The following TXNRD2 variants were observed in gnomAD, a reference collection of about 807,000 sequenced individuals.
The protein encoded by TXNRD2 is thioredoxin reductase 2.
TXNRD2 carries 67 observed loss-of-function variants against 70.8 expected under a neutral mutation model. The ratio of observed to expected loss-of-function variants is 0.95; its 90% CI spans 0.78 to 1.16. The LOEUF (loss-of-function observed/expected upper bound fraction) is 1.16. TXNRD2 is among the 50% of genes most tolerant of loss of function. The probability of loss-of-function intolerance (pLI) is 0.00; values close to 1 mark genes in which losing one functional copy is unlikely to be tolerated. For missense variants in TXNRD2, 644 were observed against 719.9 expected (o/e 0.89, Z 1.21); for synonymous variants, 301 against 295.8 (o/e 1.02, Z -0.18).
At chr22:19,909,575 C>T (rs201760133) in intron 8 of TXNRD2, among the ~76,000 whole-genome samples, 4 of 121,576 alleles carry the variant, frequency 3.3e-5, no homozygotes, top group Non-Finnish European at 6.7e-5. Flanking sequence ...CATACACACA[C>T]CACACACACA....
At chr22:19,932,684 C>T (rs572982632) in intron 1 of TXNRD2, 5 of 821,966 alleles carry the variant, frequency 6.1e-6, no homozygotes, top group Non-Finnish European at 8.4e-6. Context: ...ACAAGTAGTG[C>T]CCTCAGCCCC....
rs1407954672 is a variant in TXNRD2, at chr22:19,899,203, T to C, written c.663-135A>G. ...GCTCCAAGGTTACTGTTCAAACAGCTTGCCCCAGGGGACAAAGCCCACTTT... is the reference window on the plus strand; with the variant it reads ...GCTCCAAGGTTACTGTTCAAACAGCCTGCCCCAGGGGACAAAGCCCACTTT... On this transcript the variant is annotated intron_variant, in intron 8 of 17. Coordinates refer to ENST00000400521, the MANE Select transcript of TXNRD2 (RefSeq NM_006440.5). 4 of 1,156,162 alleles carry C rather than the reference T, an allele frequency of 3.5e-6. No homozygotes were observed. The African/African-American group carries it at 4.5e-5, about 13-fold the overall frequency. 71.6% of individuals were successfully genotyped at this position (1,156,162 alleles called of 1,614,324 possible). A position where few individuals can be genotyped will look rare whatever the true frequency, so the allele number is the denominator to read the frequency against.
rs761282213 is a variant in TXNRD2, at chr22:19,880,131, G to C, written c.1275+48C>G. On this transcript the variant is annotated intron_variant, in intron 14 of 17. Transcript: ENST00000400521. ...GGCCTCCGCCCAGAGCATGGGGTGA[G>C]GTCGTGGAGTCGCCACTGTCCTCAG... 4.6e-5 allele frequency: 73 copies of C among 1,588,164 alleles called. No homozygotes were observed. The Admixed American group carries it at 1.2e-3, about 26-fold the overall frequency.
chr22:19,928,879 G>A (rs868760459), intron 2 of TXNRD2, among the ~76,000 whole-genome samples: 1 of 151,802 alleles, frequency 6.6e-6, no homozygotes, highest in Admixed American at 6.6e-5. Flanking sequence ...GGTGGCAGGC[G>A]CCTGTAATCC....
chr22:19,934,367 T>G (rs1437624210), intron 1 of TXNRD2, among the ~76,000 whole-genome samples: 3 of 122,396 alleles, frequency 2.5e-5, no homozygotes, highest in African/African-American at 3.3e-5. Context: ...GTTAACAGAG[T>G]GAGACTCTGT....
At chr22:19,897,683 T>C (rs756409122) in intron 10 of TXNRD2, among the ~76,000 whole-genome samples, 2 of 152,030 alleles carry the variant, frequency 1.3e-5, no homozygotes, top group East Asian at 3.9e-4. Context: ...GAGCAGGGAG[T>C]TGGGGGTCTC....
intron 7 of TXNRD2, among the ~76,000 whole-genome samples, chr22:19,913,842 G>A (rs1940517571): frequency 1.3e-5 from 2 of 152,200 alleles, no homozygotes; most frequent in Non-Finnish European, 2.9e-5. Context: ...CGCACACAGA[G>A]CCCTCAGCAA....
rs1569084086 is a variant in TXNRD2, at chr22:19,899,081, CAG to C, written c.663-15_663-14del. 1.2e-6 allele frequency: 2 copies of C among 1,607,424 alleles called. No individual in the cohort carries two copies. Among genetic ancestry groups the C allele is most frequent in the East Asian group, 4.5e-5 (2 of 44,872 alleles). On this transcript the variant is annotated splice_polypyrimidine_tract_variant and intron_variant, in intron 8 of 17. Transcript: ENST00000400521. ...CCCGACCACCAACCTGTTAGAGAAA[CAG>C]AGAGAGAGCACATGTAAAGCTGAGG...
chr22:19,907,220 G>A (rs1368208437), intron 8 of TXNRD2, among the ~76,000 whole-genome samples: 3 of 77,720 alleles, frequency 3.9e-5, no homozygotes, highest in Admixed American at 1.8e-4. Context: ...TGTGGGCGCC[G>A]TGAGTAGCAG....
intron 11 of TXNRD2, among the ~76,000 whole-genome samples, chr22:19,888,394 C>G (rs1939120134): frequency 6.6e-6 from 1 of 152,244 alleles, no homozygotes; most frequent in Non-Finnish European, 1.5e-5. Context: ...CCCATCTATT[C>G]TGATGGACAC....
intron 4 of TXNRD2, 117 bp from the exon 5 acceptor site, chr22:19,918,334 C>T (rs2146044324): frequency 3.0e-6 from 3 of 1,005,328 alleles, no homozygotes; most frequent in South Asian, 2.8e-5. Flanking sequence ...AACAAGAGTG[C>T]TTTTAAAGGT....
At position 19,895,496 on chromosome 22, in the gene TXNRD2, A is replaced by C. The variant is rs989125451; in HGVS notation, c.860T>G (p.Leu287Arg). The C allele has an allele frequency of 4.3e-6, 7 of 1,613,906 alleles. No individual in the cohort carries two copies. In the Admixed American group the frequency reaches 8.3e-5, roughly 19 times the overall value. The change falls in exon 11 of 18, where the codon CTC (leucine) becomes CGC (arginine). Residue 287 changes from leucine (L) to arginine (R), a missense_variant. By Grantham distance (102) the Leu-to-Arg change is moderately radical. This residue lies in a region of TXNRD2 where 566 missense variants were observed against 645.0 expected (regional missense o/e 0.88). Coordinates refer to ENST00000400521, the MANE Select transcript of TXNRD2 (RefSeq NM_006440.5). ...GGTGACCTGCAGCTGGCCATCAGGG[A>C]GCCTCCTGACCCGCGAGGGGGCACA... Reference protein sequence around the residue: ...RGCAPSRVRRLPDGQLQVTWE... With the variant: ...RGCAPSRVRRRPDGQLQVTWE...
chr22:19,919,699 A>AGGGCCT, intron 2 of TXNRD2, 100 bp from the exon 3 acceptor site: 1 of 1,090,326 alleles, frequency 9.2e-7, no homozygotes. Context: ...GAGTGTGGGC[A>AGGGCCT]GGGCCTGGGC....
At chr22:19,917,212 G>C (rs369476505) in intron 5 of TXNRD2, among the ~76,000 whole-genome samples, 12 of 152,204 alleles carry the variant, frequency 7.9e-5, no homozygotes, top group African/African-American at 2.7e-4. Context: ...GGCCTGTTTG[G>C]TGCCCGTCCA....
intron 11 of TXNRD2, among the ~76,000 whole-genome samples, chr22:19,889,286 G>A (rs550326258): frequency 3.3e-5 from 5 of 152,332 alleles, no homozygotes; most frequent in Middle Eastern, 3.4e-3. Flanking sequence ...AGGAAGGAGC[G>A]TGCTCTGTGG....
chr22:19,919,735 G>T (rs1207446926), intron 2 of TXNRD2, 136 bp from the exon 3 acceptor site: 1 of 823,108 alleles, frequency 1.2e-6, no homozygotes, highest in Non-Finnish European at 2.0e-6. Context: ...CAGTGGCTGA[G>T]CTGCGCAATG....
chr22:19,901,949 A>AGCACTCTGG (rs1345176809), intron 8 of TXNRD2, among the ~76,000 whole-genome samples: 1 of 152,212 alleles, frequency 6.6e-6, no homozygotes, highest in Non-Finnish European at 1.5e-5. Context: ...GTGCAATCCC[A>AGCACTCTGG]GCACTCTGGG....
At chr22:19,878,459 T>C (rs1481863147) in intron 14 of TXNRD2, 22 bp from the exon 15 acceptor site, 1 of 1,610,778 alleles carries the variant, frequency 6.2e-7, no homozygotes, top group Admixed American at 1.7e-5. Flanking sequence ...ATACCAACCC[T>C]GGATCAGTGC....
chr22:19,881,295 T>G (rs975213122), intron 12 of TXNRD2: 5 of 391,802 alleles, frequency 1.3e-5, no homozygotes, highest in Non-Finnish European at 1.8e-5. Flanking sequence ...CAGCAGGAAA[T>G]GCAGATGTTG....
Sources: gnomAD v4.1 joint callset for allele counts (sites outside exome capture counted in the v4.1 genomes callset) on GRCh38, gnomAD v4.1.1 for gene constraint, gnomAD v4.1.1 regional missense constraint, MANE v1.5 for transcripts, NCBI Gene and HGNC (gene_info 2026-07-23, HGNC 2026-07-21) for gene names.